Variants in STK10 observed in about 807,000 individuals in gnomAD.
STK10 encodes serine/threonine kinase 10, also known as serine/threonine-protein kinase 10.
In STK10, 78 loss-of-function variants were observed where a neutral mutation model predicts 113.8. The ratio of observed to expected loss-of-function variants is 0.69; its 90% CI spans 0.57 to 0.83. The LOEUF is 0.83. STK10 is among the 40% of genes least tolerant of loss of function. The pLI is 0.00. For missense variants in STK10, 1,109 were observed against 1,280.1 expected, an observed-to-expected ratio of 0.87 and a Z score of 2.04; for synonymous variants, 465 against 494.7, an observed-to-expected ratio of 0.94 and a Z score of 0.80.
chr5:172,081,069 T>G (rs1768416830), intron 12 of STK10, among the ~76,000 whole-genome samples: 1 of 152,126 alleles, frequency 6.6e-6, no homozygotes. Flanking sequence ...AGAATCATGC[T>G]AAGCTGGGCA....
At chr5:172,116,554 CA>C (rs1273901683) in intron 4 of STK10, among the ~76,000 whole-genome samples, 1 of 152,038 alleles carries the variant, frequency 6.6e-6, no homozygotes, top group African/African-American at 2.4e-5. Flanking sequence ...ATTAAAAATA[CA>C]AAGAGGAGAC....
chr5:172,093,415 G>T lies in STK10; in HGVS notation c.1551C>A (p.Ile517=), dbSNP rs761341472. The T allele has an allele frequency of 6.3e-7, 1 of 1,591,040 alleles. No homozygotes were observed. The highest frequency in any genetic ancestry group is 8.6e-7 in the Non-Finnish European group (1 of 1,162,782). Residue 517 remains isoleucine (I), a synonymous_variant, in exon 9 of 19, where the codon ATC becomes ATA. Coordinates refer to ENST00000176763, the MANE Select transcript of STK10 (RefSeq NM_005990.4). The surrounding 1 kb of genome is among the most constrained non-coding windows in gnomAD (Gnocchi z 4.1). The part of the protein sequence containing the change: ...SLNKEMGSLS[I]KDPKLYKKTL... ...GTGGTGGCAGAGGCGGTGTTACCTT[G>T]ATGGACAGAGAGCCCATCTCTTTGT...
intron 13 of STK10, among the ~76,000 whole-genome samples, chr5:172,061,875 C>A (rs1767944499): frequency 1.3e-5 from 2 of 152,154 alleles, no homozygotes; most frequent in South Asian, 4.1e-4. Context: ...AAAAAGAATA[C>A]CTTGGGGTCA....
At chr5:172,079,781 C>T (rs917972292) in intron 12 of STK10, among the ~76,000 whole-genome samples, 3 of 152,020 alleles carry the variant, frequency 2.0e-5, no homozygotes, top group African/African-American at 7.3e-5. Flanking sequence ...AGGCTGGTTT[C>T]GAACTCCTGA....
At chr5:172,152,768 C>G (rs1770264606) in intron 2 of STK10, among the ~76,000 whole-genome samples, 2 of 152,154 alleles carry the variant, frequency 1.3e-5, no homozygotes, top group South Asian at 4.1e-4. Context: ...TCAAGGACTT[C>G]TGATGAAAAT....
rs1770959740 is a variant in STK10, at chr5:172,186,708, T to C, written c.156+1179A>G. ...CAAACCTATTTGCTTAGGAATCACCTGGGATCTTATTAAAACGTAGACTCT... is the reference window on the plus strand; with the variant it reads ...CAAACCTATTTGCTTAGGAATCACCCGGGATCTTATTAAAACGTAGACTCT... On this transcript the variant is annotated intron_variant, in intron 1 of 18. Transcript: ENST00000176763. 3.3e-5 allele frequency among the ~76,000 whole-genome samples: 5 copies of C among 152,204 alleles called. No homozygotes were observed. The South Asian group carries it at 6.2e-4, about 19-fold the overall frequency.
chr5:172,161,325 C>T lies in STK10; in HGVS notation c.157-4537G>A, dbSNP rs181038836. 3.9e-3 allele frequency among the ~76,000 whole-genome samples: 590 copies of T among 151,984 alleles called. 4 individuals are homozygous for T. The highest frequency in any genetic ancestry group is 0.014 in the African/African-American group (575 of 41,446). ...AAAATTAGCCAGGCGTGGTGGTGAC[C>T]GCCTGTAGTCCCAACTACTCGGGAG... On this transcript the variant is annotated intron_variant, in intron 1 of 18. Coordinates refer to ENST00000176763, the MANE Select transcript of STK10 (RefSeq NM_005990.4).
intron 10 of STK10, among the ~76,000 whole-genome samples, chr5:172,088,456 A>C (rs1043555919): frequency 6.6e-6 from 1 of 152,168 alleles, no homozygotes. Context: ...CCCGGGAGGC[A>C]GAAGTTGCAC....
At chr5:172,152,949 CT>C (rs1770268866) in intron 2 of STK10, among the ~76,000 whole-genome samples, 1 of 152,150 alleles carries the variant, frequency 6.6e-6, no homozygotes, top group Non-Finnish European at 1.5e-5. Flanking sequence ...CTAATTTCAT[CT>C]GTTTCTTTTT....
intron 18 of STK10, among the ~76,000 whole-genome samples, chr5:172,049,064 T>C (rs1767568242): frequency 6.6e-6 from 1 of 152,140 alleles, no homozygotes; most frequent in African/African-American, 2.4e-5. Flanking sequence ...CCACACCGTC[T>C]GAAGCAGCCT....
chr5:172,132,469 T>G (rs1342773699), intron 2 of STK10, among the ~76,000 whole-genome samples: 1 of 152,080 alleles, frequency 6.6e-6, no homozygotes, highest in East Asian at 1.9e-4. Flanking sequence ...CCACCCGTGA[T>G]GAAGGTCCCA....
At chr5:172,061,611 C>T (rs73315805) in intron 13 of STK10, 20,973 of 169,334 alleles carry the variant, frequency 0.12, 1,788 homozygotes, top group African/African-American at 0.25. Flanking sequence ...ACCACCACTC[C>T]TGACTAATTT....
chr5:172,064,922 G>A (rs893836060), intron 12 of STK10, 110 bp from the exon 13 acceptor site: 7 of 1,215,964 alleles, frequency 5.8e-6, no homozygotes, highest in African/African-American at 3.0e-5. Context: ...AAGAGGCTCA[G>A]CTTTGCAGCG....
chr5:172,119,022 C>A (rs774019033), intron 3 of STK10, among the ~76,000 whole-genome samples: 1 of 151,750 alleles, frequency 6.6e-6, no homozygotes, highest in South Asian at 2.1e-4. Context: ...CCAGGGTATG[C>A]GGATGCGGAA....
chr5:172,143,150 G>A (rs1007700370), intron 2 of STK10, among the ~76,000 whole-genome samples: 5 of 152,326 alleles, frequency 3.3e-5, no homozygotes, highest in South Asian at 4.1e-4. Context: ...AGTGGTTCAC[G>A]AGTTCAGGAG....
chr5:172,174,865 C>T (rs1770732185), intron 1 of STK10, among the ~76,000 whole-genome samples: 1 of 152,216 alleles, frequency 6.6e-6, no homozygotes, highest in African/African-American at 2.4e-5. Flanking sequence ...CTGGCCTCCA[C>T]CACCCTGCAC....
intron 7 of STK10, among the ~76,000 whole-genome samples, chr5:172,105,372 G>A (rs557281447): frequency 5.0e-4 from 76 of 151,978 alleles, no homozygotes; most frequent in Admixed American, 9.2e-4. Flanking sequence ...CTCCTTCCGT[G>A]GCACTGGCCA....
chr5:172,048,015 G>C (rs546295850), intron 18 of STK10, among the ~76,000 whole-genome samples: 1 of 146,804 alleles, frequency 6.8e-6, no homozygotes, highest in African/African-American at 2.6e-5. Context: ...CCATTCTCCT[G>C]CCTCAGCCCC....
At chr5:172,135,422 G>C (rs1769833314) in intron 2 of STK10, among the ~76,000 whole-genome samples, 1 of 152,088 alleles carries the variant, frequency 6.6e-6, no homozygotes, top group African/African-American at 2.4e-5. Context: ...TGAGACAAAA[G>C]AATCATTTGA....
Sources: allele counts gnomAD v4.1 joint callset (sites outside exome capture counted in the v4.1 genomes callset), GRCh38; gene constraint gnomAD v4.1.1; non-coding constraint Gnocchi (gnomAD v3.1); transcripts MANE v1.5; gene names NCBI Gene and HGNC (gene_info 2026-07-23, HGNC 2026-07-21).